The following OTUD4 variants were observed in gnomAD, a reference collection of about 807,000 sequenced individuals.
The protein encoded by OTUD4 is OTU domain-containing protein 4.
OTUD4 carries 24 observed loss-of-function variants against 130.4 expected under a neutral mutation model. That is an observed-to-expected ratio of 0.18 (90% CI 0.13 to 0.26). The LOEUF (loss-of-function observed/expected upper bound fraction) is 0.26. Ranked by LOEUF, OTUD4 falls within the 10% of genes least tolerant of loss-of-function variation. The pLI is 1.00. For missense variants in OTUD4, 1,031 were observed against 1,329.4 expected (o/e 0.78, Z 3.49); for synonymous variants, 420 against 472.5 (o/e 0.89, Z 1.44).
At chr4:145,144,087 C>G in intron 15 of OTUD4, 86 bp from the exon 16 acceptor site, 1 of 1,186,142 alleles carries the variant, frequency 8.4e-7, no homozygotes, top group Non-Finnish European at 1.2e-6. Flanking sequence ...ATAGAAGAAG[C>G]CAAAAGTATT....
chr4:145,151,026 A>G, intron 11 of OTUD4, 121 bp from the exon 12 acceptor site: 1 of 542,340 alleles, frequency 1.8e-6, no homozygotes. Context: ...ATTAAAAACA[A>G]ATTACAATTA....
chr4:145,166,998 C>T (rs1336824617), intron 3 of OTUD4, among the ~76,000 whole-genome samples: 1 of 152,124 alleles, frequency 6.6e-6, no homozygotes, highest in African/African-American at 2.4e-5. Context: ...AACAAAAAGG[C>T]ATATATATTG....
intron 2 of OTUD4, among the ~76,000 whole-genome samples, chr4:145,172,575 C>A (rs1225406455): frequency 1.3e-5 from 2 of 152,124 alleles, no homozygotes; most frequent in East Asian, 3.8e-4. Context: ...ATTTGTTGAA[C>A]CACCAAATTC....
chr4:145,140,279 C>T (rs1353795494), intron 19 of OTUD4, among the ~76,000 whole-genome samples: 1 of 152,152 alleles, frequency 6.6e-6, no homozygotes, highest in Non-Finnish European at 1.5e-5. Flanking sequence ...AAAGGACATT[C>T]AGGTGGCTTT....
At chr4:145,154,021 T>C (rs1337912175) in intron 10 of OTUD4, among the ~76,000 whole-genome samples, 2 of 152,228 alleles carry the variant, frequency 1.3e-5, no homozygotes, top group African/African-American at 4.8e-5. Flanking sequence ...AATGAAAGCA[T>C]GTGCTTTACC....
At chr4:145,159,003 T>C in intron 7 of OTUD4, 1 of 215,016 alleles carries the variant, frequency 4.7e-6, no homozygotes, top group Non-Finnish European at 8.0e-6. Flanking sequence ...GCCTCAGAGA[T>C]TCTACGTTCA....
chr4:145,153,425 G>A (rs1332831788), intron 10 of OTUD4, among the ~76,000 whole-genome samples: 5 of 152,016 alleles, frequency 3.3e-5, no homozygotes, highest in Admixed American at 6.6e-5. Flanking sequence ...TAGTACCTAC[G>A]TCACAGAACT....
Position 145,150,858 on chromosome 4 carries a change from G to A in OTUD4, c.1016C>T (p.Thr339Ile). 6.2e-7 allele frequency: 1 copy of A among 1,613,892 alleles called. No homozygotes were observed. Among genetic ancestry groups the A allele is most frequent in the South Asian group, 1.1e-5 (1 of 91,048 alleles). ...LKAPPPESWN[T>I]VSGKKMKKPS... is the part of the protein sequence containing the mutation. ...TTTTTTCATCTTCTTCCCTGACACTGTGTTCCAGCTTTCTGGGGGAGGTGC... is the reference window on the plus strand; with the variant it reads ...TTTTTTCATCTTCTTCCCTGACACTATGTTCCAGCTTTCTGGGGGAGGTGC... The change falls in exon 12 of 21, where the codon ACA becomes ATA. Residue 339 changes from threonine to isoleucine, a missense_variant. Physicochemically the swap from Thr to Ile is moderately conservative, Grantham distance 89 (BLOSUM62 -1). This residue lies in a region of OTUD4 where 900 missense variants were observed against 1,095.9 expected (regional missense o/e 0.82). Transcript: ENST00000447906.
chr4:145,139,354 C>G (rs867348273), intron 20 of OTUD4, among the ~76,000 whole-genome samples: 1 of 152,104 alleles, frequency 6.6e-6, no homozygotes, highest in South Asian at 2.1e-4. Flanking sequence ...CTAGAACCCA[C>G]AAAAACTAAT....
At chr4:145,169,801 T>G (rs746141443) in intron 3 of OTUD4, among the ~76,000 whole-genome samples, 12 of 152,124 alleles carry the variant, frequency 7.9e-5, no homozygotes, top group Non-Finnish European at 1.6e-4. Flanking sequence ...GAATGAAGAT[T>G]TATAAATATT....
At chr4:145,166,438 A>G (rs959325106) in intron 3 of OTUD4, among the ~76,000 whole-genome samples, 16 of 152,048 alleles carry the variant, frequency 1.1e-4, no homozygotes, top group Non-Finnish European at 2.4e-4. Flanking sequence ...ATAAAGAAAT[A>G]TTTCACATCT....
At chr4:145,163,419 A>C (rs1751683462) in intron 5 of OTUD4, among the ~76,000 whole-genome samples, 1 of 152,198 alleles carries the variant, frequency 6.6e-6, no homozygotes, top group Non-Finnish European at 1.5e-5. Flanking sequence ...CTTCTGCTTT[A>C]TGACAGATAA....
intron 20 of OTUD4, 84 bp downstream of exon 20, chr4:145,139,867 T>A (rs1750475932): frequency 2.1e-6 from 1 of 477,836 alleles, no homozygotes; most frequent in African/African-American, 2.1e-5. Flanking sequence ...GGTTACTGAC[T>A]GACAGGGTAA....
intron 13 of OTUD4, among the ~76,000 whole-genome samples, chr4:145,148,130 C>G (rs1750905329): frequency 6.6e-6 from 1 of 152,064 alleles, no homozygotes; most frequent in African/African-American, 2.4e-5. Context: ...TTTTACATAC[C>G]AAGTAACACA....
intron 10 of OTUD4, among the ~76,000 whole-genome samples, chr4:145,154,854 G>T (rs1751214358): frequency 6.6e-6 from 1 of 151,896 alleles, no homozygotes; most frequent in African/African-American, 2.4e-5. Context: ...GGGGGGCGGG[G>T]GGCAGAGTGA....
intron 7 of OTUD4, 48 bp from the exon 8 acceptor site, chr4:145,156,044 G>A (rs374539725): frequency 2.3e-5 from 34 of 1,449,210 alleles, no homozygotes; most frequent in East Asian, 1.4e-4. Flanking sequence ...GTATTTGCAC[G>A]TAATTACCTT....
rs758461290 is a variant in OTUD4, at chr4:145,144,360, A to G, written c.1497T>C (p.Asp499=). Residue 499 remains aspartate, a synonymous_variant, in exon 15 of 21, where the codon GAT becomes GAC. Transcript: ENST00000447906. Reference sequence around the variant, plus strand: ...CCATTCTCCGCCTGCTTCCTTTTCTATCACCTACATGTGATGATTTTCTCT... The same window carrying G: ...CCATTCTCCGCCTGCTTCCTTTTCTGTCACCTACATGTGATGATTTTCTCT... ...CVQRKSSHVG[D]RKGSRRRMDT... 9 of 1,612,690 alleles carry G rather than the reference A, an allele frequency of 5.6e-6. No individual in the cohort carries two copies. Among genetic ancestry groups the G allele is most frequent in the African/African-American group, 5.3e-5 (4 of 74,838 alleles).
chr4:145,178,904 G>GC lies in OTUD4; in HGVS notation c.159+910dup, dbSNP rs77098309. ...AGGGGTGTGCAATGGGGTGTGGGGA[G>GC]CAGGTCCTAGGTCAAAGGAAAGCAC... On this transcript the variant is annotated intron_variant, in intron 1 of 20. Coordinates refer to ENST00000447906, the MANE Select transcript of OTUD4 (RefSeq NM_001366057.1). 1.5e-4 allele frequency among the ~76,000 whole-genome samples: 23 copies of GC among 152,208 alleles called. No individual in the cohort carries two copies. The East Asian group carries it at 4.4e-3, about 29-fold the overall frequency.
At position 145,138,662 on chromosome 4, in the gene OTUD4, A is replaced by T. The variant is rs777630756; in HGVS notation, c.2125-12T>A. ...GGACAACTGTATGCCTGAAGAGACA[A>T]AAAACAGTTAAATAAACAAAAGAGG... On this transcript the variant is annotated splice_polypyrimidine_tract_variant and intron_variant, in intron 20 of 20. Transcript: ENST00000447906. 1 of 1,576,210 alleles carries T rather than the reference A, an allele frequency of 6.3e-7. No individual in the cohort carries two copies. Among genetic ancestry groups the T allele is most frequent in the Non-Finnish European group, 8.6e-7 (1 of 1,166,430 alleles).
Sources: allele counts gnomAD v4.1 joint callset (sites outside exome capture counted in the v4.1 genomes callset), GRCh38; gene constraint gnomAD v4.1.1; regional missense constraint gnomAD v4.1.1; transcripts MANE v1.5; gene names NCBI Gene and HGNC (gene_info 2026-07-23, HGNC 2026-07-21).